ADARB2: variants seen among roughly 807,000 people sequenced by gnomAD.
ADARB2 encodes the protein adenosine deaminase RNA specific B2 (inactive).
A neutral mutation model predicts 62.2 loss-of-function variants in ADARB2; 25 were observed. That is an observed-to-expected ratio of 0.40 (90% CI 0.29 to 0.56). ADARB2 has a LOEUF of 0.56. Among genes scored for constraint, ADARB2 ranks in the 20% least tolerant of loss-of-function variants. ADARB2 has a pLI of 0.43. For synonymous variants in ADARB2, 572 were observed against 500.8 expected, an observed-to-expected ratio of 1.14 and a Z score of -1.90; for missense variants, 1,071 against 1,077.4, an observed-to-expected ratio of 0.99 and a Z score of 0.08.
chr10:1,328,954 AC>A (rs1335423877), intron 3 of ADARB2, among the ~76,000 whole-genome samples: 2 of 144,112 alleles, frequency 1.4e-5, no homozygotes, highest in Admixed American at 7.3e-5. Context: ...CCATGATTGC[AC>A]CACTGCACTC....
intron 1 of ADARB2, among the ~76,000 whole-genome samples, chr10:1,627,245 T>G (rs1833782432): frequency 6.6e-6 from 1 of 152,144 alleles, no homozygotes; most frequent in Non-Finnish European, 1.5e-5. Flanking sequence ...GAGGTTGCTT[T>G]TCTAGCCAAG....
chr10:1,675,246 C>G (rs1428521081), intron 1 of ADARB2: 1 of 946,480 alleles, frequency 1.1e-6, no homozygotes. Context: ...GGTTTGGGTT[C>G]AGGGATGCAT....
chr10:1,556,789 C>T, intron 1 of ADARB2: 1 of 534,526 alleles, frequency 1.9e-6, no homozygotes, highest in Non-Finnish European at 3.8e-6. Flanking sequence ...TGCCCCTGAC[C>T]ACAGCTCTGT....
At chr10:1,569,248 G>A (rs1208988612) in intron 1 of ADARB2, among the ~76,000 whole-genome samples, 3 of 152,060 alleles carry the variant, frequency 2.0e-5, no homozygotes, top group African/African-American at 7.2e-5. Flanking sequence ...GTGGTGGCGG[G>A]GGAGAGACAG....
chr10:1,392,606 T>C (rs1832579652), intron 1 of ADARB2, among the ~76,000 whole-genome samples: 1 of 152,182 alleles, frequency 6.6e-6, no homozygotes, highest in Admixed American at 6.5e-5. Flanking sequence ...CACAGGTTTT[T>C]AGGAGGAACA....
intron 3 of ADARB2, among the ~76,000 whole-genome samples, chr10:1,281,129 A>G (rs1831367373): frequency 6.6e-6 from 1 of 152,256 alleles, no homozygotes; most frequent in African/African-American, 2.4e-5. Flanking sequence ...TCTCTGCACC[A>G]TAACTCATGA....
chr10:1,621,278 CAT>C (rs1329722103), intron 1 of ADARB2, among the ~76,000 whole-genome samples: 4 of 152,092 alleles, frequency 2.6e-5, no homozygotes, highest in African/African-American at 9.7e-5. Flanking sequence ...GATTGCAGGA[CAT>C]ATGATTAGTA....
At chr10:1,578,963 G>C (rs2131998938) in intron 1 of ADARB2, among the ~76,000 whole-genome samples, 1 of 152,322 alleles carries the variant, frequency 6.6e-6, no homozygotes, top group South Asian at 2.1e-4. Context: ...GCCGCAGCCA[G>C]GGGCAGAGGT....
intron 2 of ADARB2, among the ~76,000 whole-genome samples, chr10:1,374,309 T>G (rs1327357677): frequency 6.6e-6 from 1 of 152,328 alleles, no homozygotes; most frequent in Admixed American, 6.5e-5. Context: ...GGCATCTGCA[T>G]GGGAAAATGC....
chr10:1,267,459 G>A (rs1165679467), intron 4 of ADARB2, among the ~76,000 whole-genome samples: 1 of 152,214 alleles, frequency 6.6e-6, no homozygotes, highest in African/African-American at 2.4e-5. Flanking sequence ...GTGTCCCACT[G>A]GAAGAGCAGG....
At chr10:1,691,899 ATG>A (rs57984302) in intron 1 of ADARB2, among the ~76,000 whole-genome samples, 13,384 of 150,192 alleles carry the variant, frequency 0.089, 792 homozygotes, top group East Asian at 0.22. Context: ...TCATTACTAA[ATG>A]TGTGTGTGTG....
chr10:1,510,776 A>G (rs2131945017), intron 1 of ADARB2, among the ~76,000 whole-genome samples: 1 of 152,266 alleles, frequency 6.6e-6, no homozygotes, highest in African/African-American at 2.4e-5. Flanking sequence ...GCCCAAAGCC[A>G]GGCTAGAACA....
At chr10:1,452,624 G>T (rs1014103904) in intron 1 of ADARB2, among the ~76,000 whole-genome samples, 2 of 144,222 alleles carry the variant, frequency 1.4e-5, no homozygotes, top group South Asian at 2.5e-4. Flanking sequence ...GGTTGGGGGG[G>T]GGAATATCAC....
rs760098993 is a variant in ADARB2, at chr10:1,183,377, CAAG to C, written c.2044-11_2044-9del. 1.2e-6 allele frequency: 2 copies of C among 1,605,630 alleles called. No individual in the cohort carries two copies. The highest frequency in any genetic ancestry group is 1.7e-5 in the Admixed American group (1 of 59,834). The stretch of plus-strand genomic sequence containing the variant: ...GGGTGTCCGTGTGCTCAGCTGCGGA[CAAG>C]AAGGAGAAAGAGCCAATCAGACACC... On this transcript the variant is annotated splice_polypyrimidine_tract_variant and intron_variant, in intron 9 of 9. Transcript: ENST00000381312.
At chr10:1,696,317 CGT>C (rs1183687983) in intron 1 of ADARB2, among the ~76,000 whole-genome samples, 3 of 151,846 alleles carry the variant, frequency 2.0e-5, no homozygotes, top group Non-Finnish European at 4.4e-5. Context: ...TATGTGTGCA[CGT>C]GTGTTTTGTG....
intron 1 of ADARB2, among the ~76,000 whole-genome samples, chr10:1,488,462 T>C (rs1407969322): frequency 6.6e-6 from 1 of 152,148 alleles, no homozygotes; most frequent in African/African-American, 2.4e-5. Context: ...GGGAGGGCAT[T>C]ACTGAATTGG....
intron 1 of ADARB2, among the ~76,000 whole-genome samples, chr10:1,658,584 G>T (rs557319552): frequency 1.3e-5 from 2 of 152,168 alleles, no homozygotes; most frequent in East Asian, 3.9e-4. Context: ...CACTCCATTG[G>T]CATCAGCACA....
chr10:1,302,124 A>C (rs1831578603), intron 3 of ADARB2, among the ~76,000 whole-genome samples: 1 of 152,232 alleles, frequency 6.6e-6, no homozygotes, highest in African/African-American at 2.4e-5. Context: ...TACCAGGTTC[A>C]TCTCACTAGG....
intron 1 of ADARB2, among the ~76,000 whole-genome samples, chr10:1,412,030 C>T (rs1033302837): frequency 3.3e-5 from 5 of 152,178 alleles, no homozygotes; most frequent in Non-Finnish European, 2.9e-5. Flanking sequence ...CTTCTTGCCC[C>T]GGTCAAGTTA....
Sources: gnomAD v4.1 joint callset for allele counts (sites outside exome capture counted in the v4.1 genomes callset) on GRCh38, gnomAD v4.1.1 for gene constraint, MANE v1.5 for transcripts, NCBI Gene and HGNC (gene_info 2026-07-23, HGNC 2026-07-21) for gene names.